The following RARB variants were observed in gnomAD, a reference collection of about 807,000 sequenced individuals.
RARB encodes HBV-activated protein.
Under a neutral mutation model 51.9 loss-of-function variants are expected in RARB, and 17 were observed. That is an observed-to-expected ratio of 0.33 (90% confidence interval 0.22 to 0.49). RARB has a LOEUF of 0.49. RARB is among the 20% of genes least tolerant of loss of function. The pLI is 0.99. For missense variants in RARB, 369 were observed against 550.8 expected, an observed-to-expected ratio of 0.67 and a Z score of 3.30; for synonymous variants, 215 against 195.4, an observed-to-expected ratio of 1.10 and a Z score of -0.84.
chr3:24,835,476 T>C (rs1459937920), intron 1 of RARB, among the ~76,000 whole-genome samples: 2 of 152,216 alleles, frequency 1.3e-5, no homozygotes, highest in Non-Finnish European at 2.9e-5. Context: ...TGATTACTAA[T>C]ATTGATTGAG....
At chr3:25,062,036 G>T (rs549388900) in intron 3 of RARB, among the ~76,000 whole-genome samples, 101 of 151,808 alleles carry the variant, frequency 6.7e-4, no homozygotes, top group Admixed American at 2.0e-3. Context: ...AAGAATCAAT[G>T]ATGGGAAACA....
chr3:25,076,130 C>G (rs1698865375), intron 3 of RARB, among the ~76,000 whole-genome samples: 1 of 145,732 alleles, frequency 6.9e-6, no homozygotes, highest in Non-Finnish European at 1.5e-5. Context: ...AGTAGTATCC[C>G]CAGAAGCAGT....
intron 1 of RARB, among the ~76,000 whole-genome samples, chr3:25,447,980 A>G (rs1709022609): frequency 6.6e-6 from 1 of 152,132 alleles, no homozygotes; most frequent in African/African-American, 2.4e-5. Flanking sequence ...TAACACTATT[A>G]TGTGGCAGGC....
intron 2 of RARB, among the ~76,000 whole-genome samples, chr3:24,951,330 C>T (rs570783924): frequency 6.6e-6 from 1 of 152,206 alleles, no homozygotes; most frequent in African/African-American, 2.4e-5. Context: ...GGATGTGAGT[C>T]AGTGCATCCA....
chr3:25,179,796 C>T (rs1313838035), intron 5 of RARB, among the ~76,000 whole-genome samples: 1 of 152,128 alleles, frequency 6.6e-6, no homozygotes, highest in Non-Finnish European at 1.5e-5. Flanking sequence ...CTCTTTTCCC[C>T]CCAAAAACAA....
At chr3:25,581,821 A>G (rs1240053958) in intron 5 of RARB, among the ~76,000 whole-genome samples, 1 of 152,062 alleles carries the variant, frequency 6.6e-6, no homozygotes, top group Non-Finnish European at 1.5e-5. Context: ...GTGACCTAAG[A>G]TGAGAGCCCT....
intron 2 of RARB, among the ~76,000 whole-genome samples, chr3:25,492,599 G>T (rs1004650394): frequency 4.6e-5 from 7 of 152,214 alleles, no homozygotes; most frequent in African/African-American, 1.7e-4. Flanking sequence ...GGGTCTAACA[G>T]AGGTTCAGCT....
rs113210614 is a variant in RARB, at chr3:25,542,871, G to T, written c.449-26887G>T. ...ATAACTCTGTGAAGTGTTTAGTATT[G>T]TTTCTGTTTGCAGATAGGGAATCAG... On this transcript the variant is annotated intron_variant, in intron 3 of 7. Transcript: ENST00000330688. 7.3e-3 allele frequency among the ~76,000 whole-genome samples: 1,116 copies of T among 152,230 alleles called. 9 individuals carry two copies. The highest frequency in any genetic ancestry group is 0.026 in the African/African-American group (1,062 of 41,536).
intron 5 of RARB, among the ~76,000 whole-genome samples, chr3:25,347,465 T>A (rs900549578): frequency 6.6e-6 from 1 of 152,222 alleles, no homozygotes; most frequent in East Asian, 1.9e-4. Flanking sequence ...AAATTATCAA[T>A]TATATATAAC....
chr3:24,897,997 C>A (rs1454273886), intron 2 of RARB, among the ~76,000 whole-genome samples: 10 of 152,118 alleles, frequency 6.6e-5, no homozygotes, highest in Admixed American at 5.2e-4. Context: ...AGTCCAACTT[C>A]TTTCATCAGA....
At chr3:25,051,891 T>C (rs758199544) in intron 2 of RARB, among the ~76,000 whole-genome samples, 1 of 152,210 alleles carries the variant, frequency 6.6e-6, no homozygotes, top group Non-Finnish European at 1.5e-5. Flanking sequence ...AAATGGATTC[T>C]GTGTGAAAAG....
intron 5 of RARB, among the ~76,000 whole-genome samples, chr3:25,341,507 G>A (rs1705226678): frequency 6.6e-6 from 1 of 152,096 alleles, no homozygotes; most frequent in Non-Finnish European, 1.5e-5. Context: ...AAGCAAGAGG[G>A]CTTAAAAGTT....
chr3:25,056,306 A>G (rs1283829985), intron 2 of RARB, among the ~76,000 whole-genome samples: 1 of 152,140 alleles, frequency 6.6e-6, no homozygotes, highest in Non-Finnish European at 1.5e-5. Flanking sequence ...AGGGGAGGGA[A>G]AAGCTTCTGG....
chr3:24,993,357 G>A (rs551837417), intron 2 of RARB, among the ~76,000 whole-genome samples: 9 of 152,006 alleles, frequency 5.9e-5, no homozygotes, highest in Admixed American at 2.0e-4. Flanking sequence ...TGTAAACAGC[G>A]TGGACAAAAT....
chr3:25,105,384 T>C (rs1050931721), intron 3 of RARB, among the ~76,000 whole-genome samples: 10 of 126,372 alleles, frequency 7.9e-5, no homozygotes, highest in African/African-American at 3.0e-4. Context: ...TCATAACAGG[T>C]ATAAAAAGAA....
intron 5 of RARB, chr3:25,259,808 C>T: frequency 1.5e-6 from 1 of 662,698 alleles, no homozygotes; most frequent in Non-Finnish European, 1.9e-6. Context: ...CCAAAGTCAT[C>T]TTCTTCCTCA....
chr3:25,293,951 T>C (rs949537211), intron 5 of RARB, among the ~76,000 whole-genome samples: 1 of 152,168 alleles, frequency 6.6e-6, no homozygotes, highest in Non-Finnish European at 1.5e-5. Flanking sequence ...TGCACCCTTC[T>C]CATTTGTTCT....
chr3:25,320,131 C>G (rs987613252), intron 5 of RARB, among the ~76,000 whole-genome samples: 3 of 151,738 alleles, frequency 2.0e-5, no homozygotes, highest in Non-Finnish European at 2.9e-5. Context: ...CCAAAAGTCA[C>G]CCCAACCTCT....
intron 2 of RARB, among the ~76,000 whole-genome samples, chr3:24,945,192 G>C (rs1695748130): frequency 6.6e-6 from 1 of 152,122 alleles, no homozygotes; most frequent in Non-Finnish European, 1.5e-5. Flanking sequence ...TGGCCATAGT[G>C]CGCTTTAGAC....
Sources: allele counts gnomAD v4.1 joint callset (sites outside exome capture counted in the v4.1 genomes callset), GRCh38; gene constraint gnomAD v4.1.1; transcripts MANE v1.5; gene names NCBI Gene and HGNC (gene_info 2026-07-23, HGNC 2026-07-21).